BCAS4: variants seen among roughly 807,000 people sequenced by gnomAD.
The protein encoded by BCAS4 is breast carcinoma-amplified sequence 4.
In BCAS4, 9 loss-of-function variants were observed where a neutral mutation model predicts 15.7. The observed-to-expected ratio is 0.57, with a 90% CI of 0.34 to 1.00. The LOEUF (loss-of-function observed/expected upper bound fraction) is 1.00. Among genes scored for constraint, BCAS4 ranks in the 50% least tolerant of loss-of-function variants. BCAS4 has a pLI of 0.02. For synonymous variants in BCAS4, 101 were observed against 99.5 expected, an observed-to-expected ratio of 1.02 and a Z score of -0.09; for missense variants, 225 against 239.1, an observed-to-expected ratio of 0.94 and a Z score of 0.39.
intron 4 of BCAS4, among the ~76,000 whole-genome samples, chr20:50,864,059 T>C (rs1413108424): frequency 6.6e-6 from 1 of 152,246 alleles, no homozygotes; most frequent in Non-Finnish European, 1.5e-5. Flanking sequence ...GGCTCATCTG[T>C]GGCGCCTTCC....
At chr20:50,877,356 G>A (rs751263918), downstream of BCAS4, 2 of 152,256 alleles carry the variant, frequency 1.3e-5, no homozygotes, top group Non-Finnish European at 2.9e-5. Context: ...GAGTGCAGAG[G>A]TCATTAGGAC....
intron 1 of BCAS4, among the ~76,000 whole-genome samples, chr20:50,796,065 G>A (rs1387387420): frequency 6.6e-6 from 1 of 151,638 alleles, no homozygotes; most frequent in Non-Finnish European, 1.5e-5. Flanking sequence ...TCCAGCCTGG[G>A]CGACAGAGTG....
chr20:50,812,197 A>G (rs1342758831), intron 1 of BCAS4, among the ~76,000 whole-genome samples: 2 of 151,844 alleles, frequency 1.3e-5, no homozygotes, highest in East Asian at 1.9e-4. Flanking sequence ...CAGTGGCACA[A>G]TCTTGGCTCG....
At chr20:50,833,923 C>T (rs2088375130) in intron 3 of BCAS4, among the ~76,000 whole-genome samples, 1 of 152,140 alleles carries the variant, frequency 6.6e-6, no homozygotes, top group Admixed American at 6.5e-5. Context: ...GGGGGCTTCC[C>T]AAGTGTGTGA....
At chr20:50,842,800 G>A (rs182364631) in intron 4 of BCAS4, among the ~76,000 whole-genome samples, 13 of 152,176 alleles carry the variant, frequency 8.5e-5, no homozygotes, top group African/African-American at 1.4e-4. Context: ...GGCCTGGAGC[G>A]CCTGTTTCTG....
intron 1 of BCAS4, among the ~76,000 whole-genome samples, chr20:50,815,923 G>T (rs539933360): frequency 3.3e-5 from 5 of 152,276 alleles, no homozygotes; most frequent in South Asian, 2.1e-4. Context: ...TGTGCTTGGC[G>T]AACTTTCTTC....
chr20:50,842,095 G>A (rs983329218), intron 4 of BCAS4, among the ~76,000 whole-genome samples, 195 bp downstream of exon 4: 10 of 152,190 alleles, frequency 6.6e-5, no homozygotes, highest in African/African-American at 1.9e-4. Flanking sequence ...GACGGTTCGT[G>A]TGCTCATGTA....
At chr20:50,817,189 C>T (rs955869933) in intron 1 of BCAS4, among the ~76,000 whole-genome samples, 2 of 151,788 alleles carry the variant, frequency 1.3e-5, no homozygotes, top group Admixed American at 1.3e-4. Context: ...CTTCCTGCCT[C>T]GGCCTCCCAA....
At chr20:50,850,785 T>TCC (rs199604123) in intron 4 of BCAS4, among the ~76,000 whole-genome samples, 4 of 151,734 alleles carry the variant, frequency 2.6e-5, no homozygotes, top group Non-Finnish European at 4.4e-5. Flanking sequence ...TGTTTGAGTC[T>TCC]CCCCCCCGGT....
intron 4 of BCAS4, among the ~76,000 whole-genome samples, chr20:50,844,948 G>A (rs1295357749): frequency 1.3e-5 from 2 of 152,270 alleles, no homozygotes; most frequent in African/African-American, 4.8e-5. Flanking sequence ...TTGTCTGGGG[G>A]AGGTGGTGCA....
chr20:50,825,905 TAAAC>T (rs1021840376), intron 2 of BCAS4, among the ~76,000 whole-genome samples: 17 of 151,842 alleles, frequency 1.1e-4, no homozygotes, highest in African/African-American at 3.9e-4. Context: ...CAAAACTAAA[TAAAC>T]AAAAATAAGG....
intron 1 of BCAS4, 115 bp from the exon 2 acceptor site, chr20:50,818,096 G>A (rs2088162635): frequency 2.1e-6 from 2 of 937,690 alleles, no homozygotes; most frequent in Non-Finnish European, 3.3e-6. Context: ...GGGTCGAGCA[G>A]GAACCGGGCA....
chr20:50,869,822 C>T (rs1003629870), intron 4 of BCAS4, among the ~76,000 whole-genome samples: 3 of 146,726 alleles, frequency 2.0e-5, no homozygotes, highest in East Asian at 2.0e-4. Flanking sequence ...GATCTCAGCT[C>T]GCTGCAACTT....
At chr20:50,841,259 C>G (rs976697024) in intron 3 of BCAS4, among the ~76,000 whole-genome samples, 1 of 152,160 alleles carries the variant, frequency 6.6e-6, no homozygotes, top group Admixed American at 6.5e-5. Flanking sequence ...CTGCCAGGCC[C>G]TTGGTGGCTT....
At chr20:50,795,046 C>T, upstream of BCAS4, 5 of 1,469,896 alleles carry the variant, frequency 3.4e-6, no homozygotes, top group Non-Finnish European at 4.5e-6. Flanking sequence ...CACGGGCTCC[C>T]AGGCAGCCTC....
At chr20:50,875,530 C>G (rs562673393) in intron 4 of BCAS4, among the ~76,000 whole-genome samples, 2 of 149,482 alleles carry the variant, frequency 1.3e-5, no homozygotes, top group African/African-American at 4.9e-5. Flanking sequence ...TTTGGGAGGC[C>G]GAGGCGGGCG....
intron 4 of BCAS4, among the ~76,000 whole-genome samples, chr20:50,850,793 G>A (rs116186882): frequency 1.0e-3 from 159 of 151,776 alleles, no homozygotes; most frequent in South Asian, 3.3e-3. Context: ...TCTCCCCCCC[G>A]GTAGAGCACA....
chr20:50,809,461 G>A (rs1290781136), intron 1 of BCAS4, among the ~76,000 whole-genome samples: 2 of 151,992 alleles, frequency 1.3e-5, no homozygotes, highest in Admixed American at 6.6e-5. Flanking sequence ...CACCCGCCTC[G>A]GCCTCCCAAA....
Position 50,819,738 on chromosome 20 carries a change from T to C in BCAS4, c.162+1456T>C, listed in dbSNP as rs185287631. ...GACAGGCTTTTAACAGCCTGGATTG[T>C]CCTTTCTTTACCACCACGCATTGGA... On this transcript the variant is annotated intron_variant, in intron 2 of 4. Transcript: ENST00000371608. Among the ~76,000 whole-genome samples, 266 of 152,204 alleles carry C rather than the reference T, an allele frequency of 1.7e-3. 2 individuals carry two copies. The highest frequency in any genetic ancestry group is 3.4e-3 in the Middle Eastern group (1 of 294).
Sources: gnomAD v4.1 joint callset for allele counts (sites outside exome capture counted in the v4.1 genomes callset) on GRCh38, gnomAD v4.1.1 for gene constraint, MANE v1.5 for transcripts, NCBI Gene and HGNC (gene_info 2026-07-23, HGNC 2026-07-21) for gene names.